The following KCNG3 variants were observed in gnomAD, a reference collection of about 807,000 sequenced individuals.
KCNG3 encodes the protein voltage-gated potassium channel regulatory subunit KCNG3.
In KCNG3, 15 loss-of-function variants were observed where a neutral mutation model predicts 29.0. The ratio of observed to expected loss-of-function variants is 0.52; its 90% CI spans 0.35 to 0.80. The LOEUF is 0.80. Among genes scored for constraint, KCNG3 ranks in the 30% least tolerant of loss-of-function variants. KCNG3 has a pLI of 0.01. For synonymous variants in KCNG3, 322 were observed against 248.9 expected (o/e 1.29, Z -2.76); for missense variants, 512 against 605.7 (o/e 0.85, Z 1.62).
At chr2:42,472,413 G>A (rs1673311879) in intron 1 of KCNG3, among the ~76,000 whole-genome samples, 2 of 152,006 alleles carry the variant, frequency 1.3e-5, no homozygotes, top group African/African-American at 2.4e-5. Context: ...TTAAGTACAT[G>A]GGAATAACAT....
chr2:42,390,864 C>G, the KCNG3 span, among the ~76,000 whole-genome samples: 1 of 152,112 alleles, frequency 6.6e-6, no homozygotes, highest in South Asian at 2.1e-4. Context: ...TTTCATTTCC[C>G]CTCATTTTCT....
At chr2:42,428,458 G>GAAAA in the KCNG3 span, among the ~76,000 whole-genome samples, 23 of 104,514 alleles carry the variant, frequency 2.2e-4, 3 homozygotes, top group East Asian at 7.8e-4. Context: ...CCCGGTCTCG[G>GAAAA]GAAAAAAAAA....
the KCNG3 span, among the ~76,000 whole-genome samples, chr2:42,424,307 T>C: frequency 6.6e-6 from 1 of 152,128 alleles, no homozygotes; most frequent in African/African-American, 2.4e-5. Flanking sequence ...TCTGACAACC[T>C]TGCCACAGAT....
intron 1 of KCNG3, among the ~76,000 whole-genome samples, chr2:42,485,042 T>C (rs1673686154): frequency 6.6e-6 from 1 of 152,246 alleles, no homozygotes; most frequent in Non-Finnish European, 1.5e-5. Context: ...ATTTATGCAG[T>C]ATTGAACTGA....
At chr2:42,394,690 C>T in the KCNG3 span, among the ~76,000 whole-genome samples, 9 of 152,116 alleles carry the variant, frequency 5.9e-5, no homozygotes, top group Non-Finnish European at 1.0e-4. Flanking sequence ...TTGAGTTGTC[C>T]CGCCTTTCCA....
chr2:42,421,114 T>C, the KCNG3 span, among the ~76,000 whole-genome samples: 1 of 152,228 alleles, frequency 6.6e-6, no homozygotes, highest in Admixed American at 6.5e-5. Context: ...AGATGTTTTA[T>C]CTTGATATAC....
At chr2:42,403,482 T>G in the KCNG3 span, among the ~76,000 whole-genome samples, 2 of 139,622 alleles carry the variant, frequency 1.4e-5, no homozygotes, top group Non-Finnish European at 3.1e-5. Context: ...TTTCTGTTTT[T>G]TTTTTTTTTT....
chr2:42,441,439 C>T (rs1327257161), downstream of KCNG3, among the ~76,000 whole-genome samples: 2 of 151,888 alleles, frequency 1.3e-5, no homozygotes, highest in East Asian at 3.8e-4. Flanking sequence ...GCTCAGGGAA[C>T]GTTACAATAA....
the KCNG3 span, among the ~76,000 whole-genome samples, chr2:42,399,606 T>C: frequency 2.6e-5 from 4 of 152,106 alleles, no homozygotes; most frequent in African/African-American, 7.2e-5. Context: ...AGAAACAAAC[T>C]AGTTCAATAA....
chr2:42,493,001 C>T lies in KCNG3; in HGVS notation c.501G>A (p.Ser167=), dbSNP rs763414858. The part of the protein sequence containing the change: ...MRRTFEEPTS[S]LAAQILASVS... ...CGCTAGCCAGGATCTGCGCGGCCAG[C>T]GACGACGTGGGCTCCTCGAAGGTCC... Residue 167 remains serine (S), a synonymous_variant, in exon 1 of 2, where the codon TCG becomes TCA. Transcript: ENST00000306078. 1.3e-6 allele frequency: 2 copies of T among 1,532,712 alleles called. No individual in the cohort carries two copies. Among genetic ancestry groups the T allele is most frequent in the South Asian group, 1.2e-5 (1 of 82,094 alleles). 94.9% of individuals were successfully genotyped at this position (1,532,712 alleles called of 1,614,324 possible).
intron 1 of KCNG3, among the ~76,000 whole-genome samples, chr2:42,477,595 G>A (rs1416625639): frequency 2.0e-5 from 3 of 151,434 alleles, no homozygotes; most frequent in Admixed American, 6.6e-5. Context: ...TATTTGTGTC[G>A]GGGTCGGACA....
At chr2:42,412,385 T>A in the KCNG3 span, among the ~76,000 whole-genome samples, 1,906 of 152,324 alleles carry the variant, frequency 0.013, 39 homozygotes, top group African/African-American at 0.042. Flanking sequence ...GTGACTTTGG[T>A]TTCCTAAACT....
At chr2:42,438,335 G>A (rs907499559), downstream of KCNG3, among the ~76,000 whole-genome samples, 5 of 152,118 alleles carry the variant, frequency 3.3e-5, no homozygotes, top group African/African-American at 1.2e-4. Flanking sequence ...CCAAATAACA[G>A]AAATAGTGAT....
At chr2:42,477,739 C>G (rs1673475111) in intron 1 of KCNG3, among the ~76,000 whole-genome samples, 1 of 151,752 alleles carries the variant, frequency 6.6e-6, no homozygotes, top group Non-Finnish European at 1.5e-5. Flanking sequence ...ATTAGCCAAG[C>G]ATGGTAGTGC....
chr2:42,431,785 C>A, the KCNG3 span, among the ~76,000 whole-genome samples: 2 of 152,120 alleles, frequency 1.3e-5, no homozygotes, highest in Non-Finnish European at 1.5e-5. Context: ...TGCCTTTAAC[C>A]CCAACACTTC....
At chr2:42,401,908 A>T in the KCNG3 span, among the ~76,000 whole-genome samples, 1 of 152,166 alleles carries the variant, frequency 6.6e-6, no homozygotes, top group African/African-American at 2.4e-5. Flanking sequence ...AAAAACAAAC[A>T]AACAAACAAA....
chr2:42,485,387 G>A (rs1255487489), intron 1 of KCNG3, among the ~76,000 whole-genome samples: 1 of 151,908 alleles, frequency 6.6e-6, no homozygotes, highest in Non-Finnish European at 1.5e-5. Context: ...AACAAAAGGG[G>A]ACACTACTTT....
In KCNG3 at chr2:42,493,283, G is replaced by T; in HGVS notation, c.219C>A (p.Ile73=). ...FDRHSEAFGF[I]LLYVRGHGKL... is the part of the protein sequence containing the mutation. Reference sequence around the variant, plus strand: ...TGCCGTGGCCGCGCACGTAGAGCAGGATGAAGCCGAAGGCCTCCGAGTGCC... The same window carrying T: ...TGCCGTGGCCGCGCACGTAGAGCAGTATGAAGCCGAAGGCCTCCGAGTGCC... Residue 73 remains isoleucine (I), a synonymous_variant, in exon 1 of 2, where the codon ATC becomes ATA. Transcript: ENST00000306078. 6.2e-7 allele frequency: 1 copy of T among 1,612,082 alleles called. No individual in the cohort carries two copies. The highest frequency in any genetic ancestry group is 8.5e-7 in the Non-Finnish European group (1 of 1,179,702).
the KCNG3 span, among the ~76,000 whole-genome samples, chr2:42,393,667 T>TTACC: frequency 5.3e-5 from 8 of 152,162 alleles, no homozygotes; most frequent in African/African-American, 1.7e-4. Flanking sequence ...TTCTTCAAGA[T>TTACC]TACCTCATAA....
Sources: gnomAD v4.1 joint callset for allele counts (sites outside exome capture counted in the v4.1 genomes callset) on GRCh38, gnomAD v4.1.1 for gene constraint, MANE v1.5 for transcripts, NCBI Gene and HGNC (gene_info 2026-07-23, HGNC 2026-07-21) for gene names.